The following LRMDA variants were observed in gnomAD, a reference collection of about 807,000 sequenced individuals.
The protein encoded by LRMDA is leucine rich melanocyte differentiation associated, also known as leucine-rich melanocyte differentiation-associated protein.
LRMDA carries 18 observed loss-of-function variants against 29.8 expected under a neutral mutation model. That is an observed-to-expected ratio of 0.60 (90% confidence interval 0.42 to 0.90). LRMDA has a LOEUF of 0.90. Ranked by LOEUF, LRMDA falls within the 40% of genes least tolerant of loss-of-function variation. The pLI, the probability that LRMDA is intolerant of heterozygous loss-of-function variation, is 0.00. For missense variants in LRMDA, 273 were observed against 273.9 expected (o/e 1.00, Z 0.02); for synonymous variants, 125 against 109.4 (o/e 1.14, Z -0.89).
At chr10:75,596,751 C>T (rs1415939965) in intron 2 of LRMDA, among the ~76,000 whole-genome samples, 2 of 152,122 alleles carry the variant, frequency 1.3e-5, no homozygotes, top group African/African-American at 4.8e-5. Context: ...AGTCATCCTG[C>T]AGTGCTATAG....
At chr10:75,521,143 G>A (rs1437321571) in intron 2 of LRMDA, among the ~76,000 whole-genome samples, 2 of 152,204 alleles carry the variant, frequency 1.3e-5, no homozygotes, top group Non-Finnish European at 2.9e-5. Flanking sequence ...GTGTCTCCCA[G>A]TTAGACTACA....
intron 6 of LRMDA, among the ~76,000 whole-genome samples, chr10:76,395,393 A>G (rs1841772095): frequency 6.6e-6 from 1 of 152,136 alleles, no homozygotes; most frequent in Non-Finnish European, 1.5e-5. Context: ...TTAGCAGACA[A>G]TTGTAGTCAT....
chr10:75,783,121 A>G lies in LRMDA; in HGVS notation c.132-252887A>G. On this transcript the variant is annotated intron_variant, in intron 2 of 6. Transcript: ENST00000611255. Reference sequence around the variant, plus strand: ...AGGCTGGCTGTCAGGGTAGGACTTGATGAGCGAGATGATTGATCTGCATAA... The same window carrying G: ...AGGCTGGCTGTCAGGGTAGGACTTGGTGAGCGAGATGATTGATCTGCATAA... 3.7e-6 allele frequency: 5 copies of G among 1,357,756 alleles called. No individual in the cohort carries two copies. In the Admixed American group the frequency reaches 9.1e-5, roughly 25 times the overall value. 84.1% of individuals were successfully genotyped at this position (1,357,756 alleles called of 1,614,324 possible).
At chr10:75,706,885 G>C (rs1017082174) in intron 2 of LRMDA, among the ~76,000 whole-genome samples, 1 of 152,098 alleles carries the variant, frequency 6.6e-6, no homozygotes, top group African/African-American at 2.4e-5. Flanking sequence ...AGTGGTGGTG[G>C]GGACCTCAGT....
chr10:75,632,027 T>TGG, intron 2 of LRMDA, among the ~76,000 whole-genome samples: 1 of 152,338 alleles, frequency 6.6e-6, no homozygotes, highest in East Asian at 1.9e-4. Flanking sequence ...ATTATTTTGT[T>TGG]GGCTCCTAAT....
At chr10:76,265,010 C>A (rs1254938368) in intron 5 of LRMDA, among the ~76,000 whole-genome samples, 1 of 152,138 alleles carries the variant, frequency 6.6e-6, no homozygotes, top group African/African-American at 2.4e-5. Context: ...ACATTCCAAC[C>A]ATATTAATTC....
intron 2 of LRMDA, among the ~76,000 whole-genome samples, chr10:76,014,825 G>C (rs147881520): frequency 3.5e-4 from 53 of 152,318 alleles, no homozygotes; most frequent in African/African-American, 1.2e-3. Flanking sequence ...GCCCTCTGGG[G>C]TGTGGCACTT....
intron 5 of LRMDA, among the ~76,000 whole-genome samples, chr10:76,271,970 A>T (rs1840073274): frequency 6.6e-6 from 1 of 152,196 alleles, no homozygotes; most frequent in Non-Finnish European, 1.5e-5. Context: ...GCCCTGATTT[A>T]TGTGTGCAGT....
chr10:75,819,365 A>G (rs1564576744), intron 2 of LRMDA, among the ~76,000 whole-genome samples: 1 of 151,546 alleles, frequency 6.6e-6, no homozygotes, highest in African/African-American at 2.4e-5. Flanking sequence ...GGGATTACCT[A>G]TAGATCCAAT....
At chr10:75,847,615 T>A (rs1043193194) in intron 2 of LRMDA, among the ~76,000 whole-genome samples, 12 of 152,036 alleles carry the variant, frequency 7.9e-5, no homozygotes, top group Non-Finnish European at 1.5e-4. Context: ...TGTAGTTAAA[T>A]CCAGAATATA....
At chr10:75,835,004 A>G (rs547655392) in intron 2 of LRMDA, among the ~76,000 whole-genome samples, 52 of 152,310 alleles carry the variant, frequency 3.4e-4, no homozygotes, top group South Asian at 6.2e-4. Context: ...AACCACTTCT[A>G]CTGTTTTAGA....
chr10:75,952,816 G>A (rs932120006), intron 2 of LRMDA, among the ~76,000 whole-genome samples: 2 of 152,058 alleles, frequency 1.3e-5, no homozygotes, highest in African/African-American at 4.8e-5. Context: ...GAGTGCAGTG[G>A]TGCTCTCGGC....
chr10:75,672,542 TCCC>T lies in LRMDA; in HGVS notation c.131+234050_131+234052del, dbSNP rs1841907287. On this transcript the variant is annotated intron_variant, in intron 2 of 6. Coordinates refer to ENST00000611255, the MANE Select transcript of LRMDA (RefSeq NM_001305581.2). ...TTTCTTTTCCTCCCCTCCCCTCCCC[TCCC>T]CTCCCCTCCCCTCCCCTCCCCTTCC... is the stretch of plus-strand genomic sequence containing the variant. Among the ~76,000 whole-genome samples, 2 of 2,584 alleles carry T rather than the reference TCCC, an allele frequency of 7.7e-4. 1 individual carries two copies. The highest frequency in any genetic ancestry group is 1.4e-3 in the Non-Finnish European group (2 of 1,478). 1.7% of individuals were successfully genotyped at this position (2,584 alleles called of 152,430 possible).
intron 2 of LRMDA, among the ~76,000 whole-genome samples, chr10:75,560,430 T>G (rs980450813): frequency 3.3e-5 from 5 of 149,598 alleles, no homozygotes; most frequent in African/African-American, 7.3e-5. Flanking sequence ...AAGGAGATTT[T>G]GGGCTGAGAC....
chr10:76,399,828 A>G (rs1554818468), intron 6 of LRMDA, among the ~76,000 whole-genome samples: 2 of 152,144 alleles, frequency 1.3e-5, no homozygotes, highest in African/African-American at 2.4e-5. Flanking sequence ...TGTTCTTCCT[A>G]AAGTTAGTGC....
At chr10:76,487,774 C>T (rs564760086) in intron 6 of LRMDA, among the ~76,000 whole-genome samples, 13 of 151,964 alleles carry the variant, frequency 8.6e-5, no homozygotes, top group African/African-American at 2.2e-4. Flanking sequence ...AGATAGGTTA[C>T]GCAACTTGCC....
chr10:76,164,534 C>A (rs1211657540), intron 5 of LRMDA, among the ~76,000 whole-genome samples: 2 of 151,996 alleles, frequency 1.3e-5, no homozygotes, highest in South Asian at 2.1e-4. Flanking sequence ...TGGCAAAAAA[C>A]CACCCAAAAA....
chr10:76,003,985 G>A lies in LRMDA; in HGVS notation c.132-32023G>A, dbSNP rs977070511. 2.6e-5 allele frequency among the ~76,000 whole-genome samples: 4 copies of A among 152,304 alleles called. No homozygotes were observed. The South Asian group carries it at 6.2e-4, about 24-fold the overall frequency. On this transcript the variant is annotated intron_variant, in intron 2 of 6. Coordinates refer to ENST00000611255, the MANE Select transcript of LRMDA (RefSeq NM_001305581.2). ...TTTTGGGTTTCTAATGGCTCAAAAC[G>A]TTTGTTGGATGAATGACATGAGTGG...
chr10:75,870,262 C>T (rs1434209335), intron 2 of LRMDA, among the ~76,000 whole-genome samples: 2 of 152,142 alleles, frequency 1.3e-5, no homozygotes, highest in Non-Finnish European at 2.9e-5. Context: ...TTTGGTATTG[C>T]CTGTGACTGC....
Sources: allele counts gnomAD v4.1 joint callset (sites outside exome capture counted in the v4.1 genomes callset), GRCh38; gene constraint gnomAD v4.1.1; transcripts MANE v1.5; gene names NCBI Gene and HGNC (gene_info 2026-07-23, HGNC 2026-07-21).